Variants in DAB1 observed in about 807,000 individuals in gnomAD.
DAB1 encodes the protein DAB adaptor protein 1.
DAB1 carries 15 observed loss-of-function variants against 64.6 expected under a neutral mutation model. The observed-to-expected ratio is 0.23, with a 90% CI of 0.16 to 0.36. The LOEUF is 0.36. DAB1 is among the 10% of genes least tolerant of loss of function. The pLI is 1.00. For synonymous variants in DAB1, 235 were observed against 251.9 expected, an observed-to-expected ratio of 0.93 and a Z score of 0.64; for missense variants, 596 against 706.7, an observed-to-expected ratio of 0.84 and a Z score of 1.78.
intron 5 of DAB1, among the ~76,000 whole-genome samples, chr1:58,101,281 C>T (rs866467192): frequency 6.6e-5 from 10 of 152,296 alleles, no homozygotes; most frequent in Middle Eastern, 3.4e-3. Flanking sequence ...CATGCCACTG[C>T]ACTCCAGCCT....
chr1:57,416,543 T>G (rs1372427628), intron 1 of DAB1, among the ~76,000 whole-genome samples: 1 of 152,218 alleles, frequency 6.6e-6, no homozygotes, highest in Non-Finnish European at 1.5e-5. Flanking sequence ...GTAGTTATTG[T>G]TAATGATTTT....
intron 5 of DAB1, among the ~76,000 whole-genome samples, chr1:57,954,152 T>C (rs1425749798): frequency 2.6e-5 from 4 of 152,174 alleles, no homozygotes; most frequent in Admixed American, 2.0e-4. Context: ...GTATTGGCCA[T>C]AAAAACAGGT....
chr1:57,414,319 A>T (rs1250404106), intron 1 of DAB1, among the ~76,000 whole-genome samples: 1 of 152,214 alleles, frequency 6.6e-6, no homozygotes, highest in Non-Finnish European at 1.5e-5. Flanking sequence ...CACCACCTTA[A>T]TCAGTCAGTA....
At chr1:57,409,549 G>A (rs879875574) in intron 1 of DAB1, among the ~76,000 whole-genome samples, 3 of 152,160 alleles carry the variant, frequency 2.0e-5, no homozygotes, top group African/African-American at 4.8e-5. Context: ...GGTGGCTCAC[G>A]CTTGTAATCC....
chr1:57,530,434 G>T (rs182418796), intron 7 of DAB1, among the ~76,000 whole-genome samples: 1 of 151,984 alleles, frequency 6.6e-6, no homozygotes, highest in Admixed American at 6.6e-5. Flanking sequence ...TGCCATCTGC[G>T]TGTTTAAGGA....
chr1:58,003,290 A>C (rs1646533741), intron 5 of DAB1, among the ~76,000 whole-genome samples: 1 of 152,176 alleles, frequency 6.6e-6, no homozygotes, highest in Admixed American at 6.6e-5. Flanking sequence ...ATGACAAAGA[A>C]ACCTCAAAGA....
At chr1:58,505,541 A>C (rs1645974408) in intron 3 of DAB1, among the ~76,000 whole-genome samples, 1 of 152,152 alleles carries the variant, frequency 6.6e-6, no homozygotes, top group Admixed American at 6.5e-5. Flanking sequence ...CAGAAAGAAA[A>C]GCCAGAGAGC....
intron 3 of DAB1, among the ~76,000 whole-genome samples, chr1:58,386,711 A>G (rs1644435564): frequency 6.6e-6 from 1 of 152,182 alleles, no homozygotes; most frequent in South Asian, 2.1e-4. Context: ...GGAGATCCAT[A>G]CCCTACCTCT....
intron 3 of DAB1, among the ~76,000 whole-genome samples, chr1:58,402,309 C>G (rs1053429386): frequency 6.6e-6 from 1 of 152,206 alleles, no homozygotes; most frequent in African/African-American, 2.4e-5. Context: ...CTAATCAGCA[C>G]CTTCTCCCCT....
At chr1:57,136,662 G>C in intron 3 of DAB1, 21 bp from the exon 4 acceptor site, 1 of 1,478,162 alleles carries the variant, frequency 6.8e-7, no homozygotes, top group African/African-American at 1.4e-5. Context: ...GAAGAACATG[G>C]TTTTTACTTA....
chr1:57,357,782 G>C (rs1255525082), intron 1 of DAB1, among the ~76,000 whole-genome samples: 1 of 151,656 alleles, frequency 6.6e-6, no homozygotes, highest in Non-Finnish European at 1.5e-5. Flanking sequence ...AGCAAAAGGG[G>C]GAAATCCCCT....
At position 57,923,084 on chromosome 1, in the gene DAB1, A is replaced by G. The variant is rs12035212; in HGVS notation, n.388-38922T>C. On this transcript the variant is annotated intron_variant and non_coding_transcript_variant, in intron 5 of 20. Coordinates refer to the DAB1 transcript ENST00000485760. ...GAGAGAGACTGGAGACTCAGGTTGA[A>G]ACCCTAGAATAACCCCATGTCAAGT... Among the ~76,000 whole-genome samples the G allele has an allele frequency of 1.0e-3, 156 of 151,598 alleles. 3 individuals carry two copies. In the East Asian group the frequency reaches 0.028, roughly 27 times the overall value.
intron 1 of DAB1, among the ~76,000 whole-genome samples, chr1:57,409,804 G>A (rs752918274): frequency 1.2e-4 from 18 of 152,040 alleles, no homozygotes; most frequent in East Asian, 1.9e-4. Flanking sequence ...GCTAGACTCC[G>A]TCTCCAAAAA....
At chr1:57,940,981 G>T (rs1197270097) in intron 5 of DAB1, among the ~76,000 whole-genome samples, 1 of 152,186 alleles carries the variant, frequency 6.6e-6, no homozygotes, top group East Asian at 1.9e-4. Flanking sequence ...GTGACTATAA[G>T]GTTTGAGAGC....
Position 57,244,341 on chromosome 1 carries a change from A to T in DAB1, c.67+46623T>A, listed in dbSNP as rs76997651. ...AATGGCCACAGTAAATATCAGAAAT[A>T]TTTACTGAAAGAAAGAATAAATGAA... On this transcript the variant is annotated intron_variant, in intron 2 of 14. Coordinates refer to ENST00000371236, the MANE Select transcript of DAB1 (RefSeq NM_001365792.1). Among the ~76,000 whole-genome samples, 853 of 152,340 alleles carry T rather than the reference A, an allele frequency of 5.6e-3. 15 individuals carry two copies. Among genetic ancestry groups the T allele is most frequent in the African/African-American group, 0.019 (810 of 41,576 alleles).
intron 7 of DAB1, among the ~76,000 whole-genome samples, chr1:57,448,298 A>T (rs557423885): frequency 2.5e-4 from 38 of 152,302 alleles, no homozygotes; most frequent in African/African-American, 9.1e-4. Flanking sequence ...ATTTTTCCAC[A>T]CCCATTTATG....
chr1:57,091,092 G>A (rs1653629016), intron 4 of DAB1, among the ~76,000 whole-genome samples: 1 of 152,118 alleles, frequency 6.6e-6, no homozygotes, highest in African/African-American at 2.4e-5. Flanking sequence ...TGAGCCCAGA[G>A]CTGTGAGGGT....
intron 7 of DAB1, among the ~76,000 whole-genome samples, chr1:57,612,791 C>G (rs1039405669): frequency 6.6e-6 from 1 of 152,090 alleles, no homozygotes; most frequent in Non-Finnish European, 1.5e-5. Flanking sequence ...TCCATCCCCA[C>G]CCCCCAACTA....
chr1:57,377,186 C>T (rs1680967469), intron 1 of DAB1, among the ~76,000 whole-genome samples: 1 of 151,924 alleles, frequency 6.6e-6, no homozygotes, highest in Non-Finnish European at 1.5e-5. Context: ...ACGAGAATCG[C>T]TTGAACCCAG....
Sources: gnomAD v4.1 joint callset for allele counts (sites outside exome capture counted in the v4.1 genomes callset) on GRCh38, gnomAD v4.1.1 for gene constraint, MANE v1.5 for transcripts, NCBI Gene and HGNC (gene_info 2026-07-23, HGNC 2026-07-21) for gene names.